Variants in TRIM2 observed in about 807,000 individuals in gnomAD.
TRIM2 encodes tripartite motif containing 2, also known as tripartite motif-containing protein 2.
TRIM2 carries 20 observed loss-of-function variants against 75.2 expected under a neutral mutation model. The ratio of observed to expected loss-of-function variants is 0.27; its 90% CI spans 0.19 to 0.39. The LOEUF is 0.39. TRIM2 is among the 10% of genes least tolerant of loss of function. The probability of loss-of-function intolerance (pLI) is 1.00; values close to 1 mark genes in which losing one functional copy is unlikely to be tolerated. For missense variants in TRIM2, 660 were observed against 990.8 expected (o/e 0.67, Z 4.48); for synonymous variants, 373 against 388.3 (o/e 0.96, Z 0.46).
intron 1 of TRIM2, among the ~76,000 whole-genome samples, chr4:153,250,804 G>A (rs985911324): frequency 2.6e-5 from 4 of 152,156 alleles, no homozygotes; most frequent in Non-Finnish European, 4.4e-5. Flanking sequence ...CACCTTTACT[G>A]CAAATACAGC....
intron 1 of TRIM2, among the ~76,000 whole-genome samples, chr4:153,224,395 A>G (rs960235492): frequency 6.6e-6 from 1 of 152,228 alleles, no homozygotes; most frequent in Non-Finnish European, 1.5e-5. Context: ...AAAGTCTTCT[A>G]GGTGAGGTAA....
chr4:153,247,524 A>T (rs1468058751), intron 1 of TRIM2, among the ~76,000 whole-genome samples: 1 of 152,064 alleles, frequency 6.6e-6, no homozygotes, highest in African/African-American at 2.4e-5. Context: ...AAAAATACAA[A>T]AAAATTAGCT....
upstream of TRIM2, chr4:153,204,354 G>C: frequency 1.5e-6 from 1 of 648,506 alleles, no homozygotes; most frequent in African/African-American, 1.8e-5. Flanking sequence ...CTGATCATTG[G>C]CTCTCATTGT....
At position 153,335,799 on chromosome 4, in the gene TRIM2, G is replaced by A. The variant is rs181275199; in HGVS notation, c.*833G>A. On this transcript the variant is annotated 3_prime_UTR_variant, in exon 12 of 12. Transcript: ENST00000338700. ...ATCAAGAAAGTTAGTCATGTTTTAT[G>A]TACCATGTTTTCACACGTGTCTCTT... The A allele has an allele frequency of 1.1e-5, 11 of 985,830 alleles. No homozygotes were observed. The East Asian group carries it at 1.1e-3, about 102-fold the overall frequency. The allele number at this position is 985,830 out of a possible 1,614,324, so 61.1% of individuals were successfully genotyped here. A position where few individuals can be genotyped will look rare whatever the true frequency, so the allele number is the denominator to read the frequency against.
At chr4:153,233,680 G>A (rs1404919500) in intron 1 of TRIM2, among the ~76,000 whole-genome samples, 1 of 152,118 alleles carries the variant, frequency 6.6e-6, no homozygotes, top group East Asian at 1.9e-4. Flanking sequence ...TGGTAGGGAG[G>A]CAGGTGGGCC....
intron 1 of TRIM2, among the ~76,000 whole-genome samples, chr4:153,190,357 A>G (rs1424302189): frequency 6.6e-6 from 1 of 152,242 alleles, no homozygotes; most frequent in Non-Finnish European, 1.5e-5. Flanking sequence ...AGTGCCATTC[A>G]TTACAGTAAG....
chr4:153,213,360 T>G (rs77349746), intron 1 of TRIM2, among the ~76,000 whole-genome samples: 3,273 of 152,320 alleles, frequency 0.021, 114 homozygotes, highest in African/African-American at 0.074. Context: ...TTAACTTGTT[T>G]CAATTTTTTT....
At chr4:153,259,358 G>A (rs73854632) in intron 1 of TRIM2, among the ~76,000 whole-genome samples, 2,067 of 152,124 alleles carry the variant, frequency 0.014, 33 homozygotes, top group African/African-American at 0.047. Flanking sequence ...ATCCTTAGGC[G>A]TTAATTTCTC....
chr4:153,237,862 A>T (rs191473570), intron 1 of TRIM2, among the ~76,000 whole-genome samples: 1 of 152,040 alleles, frequency 6.6e-6, no homozygotes, highest in Admixed American at 6.5e-5. Flanking sequence ...TTTTTTTCAA[A>T]AAAACAGAAG....
In TRIM2 at chr4:153,192,669, T is replaced by A. The variant is rs148143946; in HGVS notation, c.-49+39399T>A. ...CAAGTAGAACAAATGGAATTAATGA[T>A]GACAGTTCGATATATTGTGCCCATC... On this transcript the variant is annotated intron_variant, in intron 1 of 11. Coordinates refer to the TRIM2 transcript ENST00000437508. 6.1e-3 allele frequency among the ~76,000 whole-genome samples: 927 copies of A among 151,014 alleles called. 6 individuals are homozygous for A. Among genetic ancestry groups the A allele is most frequent in the African/African-American group, 0.021 (866 of 41,148 alleles).
intron 1 of TRIM2, among the ~76,000 whole-genome samples, chr4:153,222,041 C>CAAGGAAGGGAGG (rs1740613782): frequency 9.7e-6 from 1 of 102,726 alleles, no homozygotes; most frequent in African/African-American, 3.4e-5. Context: ...AAGGAAAGAG[C>CAAGGAAGGGAGG]GAGGAAGGGA....
chr4:153,284,946 G>A (rs554605888), intron 3 of TRIM2, among the ~76,000 whole-genome samples: 2 of 152,130 alleles, frequency 1.3e-5, no homozygotes, highest in South Asian at 4.2e-4. Context: ...TTAATTTAAT[G>A]AAGCCTAATT....
intron 1 of TRIM2, among the ~76,000 whole-genome samples, chr4:153,235,738 G>A (rs896813462): frequency 3.9e-4 from 59 of 152,278 alleles, no homozygotes; most frequent in African/African-American, 1.4e-3. Context: ...GTGTCAGGTT[G>A]TTGAAGAGCT....
At position 153,319,377 on chromosome 4, in the gene TRIM2, A is replaced by G. The variant is rs368711632; in HGVS notation, c.1783-3271A>G. Among the ~76,000 whole-genome samples the G allele has an allele frequency of 1.2e-4, 18 of 152,294 alleles. No homozygotes were observed. In the East Asian group the frequency reaches 3.5e-3, roughly 29 times the overall value. On this transcript the variant is annotated intron_variant, in intron 8 of 11. Coordinates refer to ENST00000338700, the MANE Select transcript of TRIM2 (RefSeq NM_015271.5). The stretch of plus-strand genomic sequence containing the variant: ...ATCTCATCTCTTTCCTGTTCAATTT[A>G]AGGAACTATTTGTTGAGTTAAATAC...
intron 1 of TRIM2, among the ~76,000 whole-genome samples, chr4:153,174,534 G>A (rs928011562): frequency 6.6e-6 from 1 of 152,166 alleles, no homozygotes; most frequent in African/African-American, 2.4e-5. Flanking sequence ...GATCAGACAG[G>A]CTGCCCTTTC....
intron 1 of TRIM2, among the ~76,000 whole-genome samples, chr4:153,192,971 CA>C (rs1052253060): frequency 2.0e-5 from 3 of 152,148 alleles, no homozygotes; most frequent in African/African-American, 7.2e-5. Context: ...TTTTTCCTGG[CA>C]GCACTTACTG....
chr4:153,210,391 A>T (rs1173684865), intron 1 of TRIM2, among the ~76,000 whole-genome samples: 1 of 152,128 alleles, frequency 6.6e-6, no homozygotes, highest in Non-Finnish European at 1.5e-5. Context: ...AAATGTAGGG[A>T]CATCAAGCAA....
At chr4:153,177,927 G>A (rs1381756101) in intron 1 of TRIM2, among the ~76,000 whole-genome samples, 1 of 151,902 alleles carries the variant, frequency 6.6e-6, no homozygotes, top group Admixed American at 6.6e-5. Context: ...TCAGCCTAAC[G>A]AGTAGGTGGG....
intron 1 of TRIM2, among the ~76,000 whole-genome samples, chr4:153,267,338 T>C (rs1163555872): frequency 2.0e-5 from 3 of 152,184 alleles, no homozygotes; most frequent in Admixed American, 6.5e-5. Flanking sequence ...TGACTGAGCC[T>C]CTGTTTTGTT....
Sources: allele counts gnomAD v4.1 joint callset (sites outside exome capture counted in the v4.1 genomes callset), GRCh38; gene constraint gnomAD v4.1.1; transcripts MANE v1.5; gene names NCBI Gene and HGNC (gene_info 2026-07-23, HGNC 2026-07-21).